Variants in RP1 observed in about 807,000 individuals in gnomAD.
The protein encoded by RP1 is RP1 axonemal microtubule associated, also known as oxygen-regulated protein 1.
In RP1, 16 loss-of-function variants were observed where a neutral mutation model predicts 14.8. The observed-to-expected ratio is 1.08, with a 90% confidence interval of 0.73 to 1.65. The LOEUF (loss-of-function observed/expected upper bound fraction) is 1.65, where lower values mean the gene tolerates loss of function less well. Among genes scored for constraint, RP1 ranks in the 40% most tolerant of loss-of-function variants. The pLI is 0.00. For missense variants in RP1, 2,631 were observed against 2,535.0 expected (o/e 1.04, Z -0.81); for synonymous variants, 876 against 883.6 (o/e 0.99, Z 0.15).
At chr8:54,761,237 T>TA (rs1310788775) in intron 22 of RP1, among the ~76,000 whole-genome samples, 1 of 145,798 alleles carries the variant, frequency 6.9e-6, no homozygotes, top group East Asian at 2.0e-4. Context: ...ACCTTACTTT[T>TA]TTTTTTTTTT....
chr8:54,767,914 A>G (rs1809801140), intron 22 of RP1, among the ~76,000 whole-genome samples: 2 of 152,228 alleles, frequency 1.3e-5, no homozygotes. Flanking sequence ...TAGCTTTGGA[A>G]AAATGGAGAG....
intron 18 of RP1, among the ~76,000 whole-genome samples, chr8:54,737,479 T>C (rs1808961832): frequency 1.3e-5 from 2 of 152,222 alleles, no homozygotes; most frequent in African/African-American, 4.8e-5. Flanking sequence ...ATTTAAAGTG[T>C]GGTTTACCTT....
chr8:54,714,114 C>T (rs778265631), intron 15 of RP1, among the ~76,000 whole-genome samples: 13 of 152,064 alleles, frequency 8.5e-5, no homozygotes, highest in East Asian at 1.9e-4. Context: ...TTAGTAGATA[C>T]GGGGTTTCAC....
At chr8:54,578,216 AT>A (rs1191950594) in intron 1 of RP1, among the ~76,000 whole-genome samples, 1 of 151,676 alleles carries the variant, frequency 6.6e-6, no homozygotes, top group Non-Finnish European at 1.5e-5. Flanking sequence ...TTTAATTTTT[AT>A]TTTTTTAGGG....
chr8:54,564,500 GT>G (rs1804356985), intron 1 of RP1, among the ~76,000 whole-genome samples: 1 of 152,200 alleles, frequency 6.6e-6, no homozygotes, highest in Admixed American at 6.5e-5. Flanking sequence ...AGTGTTCGCT[GT>G]TGACACTGTC....
At chr8:54,847,361 C>T (rs991056238) in intron 25 of RP1, among the ~76,000 whole-genome samples, 9 of 152,116 alleles carry the variant, frequency 5.9e-5, no homozygotes, top group African/African-American at 1.9e-4. Flanking sequence ...ATGTCACTCC[C>T]GGAGGCCCCA....
At chr8:54,630,994 T>C (rs999507168), downstream of RP1, among the ~76,000 whole-genome samples, 1 of 152,204 alleles carries the variant, frequency 6.6e-6, no homozygotes, top group African/African-American at 2.4e-5. Context: ...GGAAAGCTTT[T>C]AAGAGTCCTT....
chr8:54,631,010 G>A (rs572039410), downstream of RP1, among the ~76,000 whole-genome samples: 5 of 152,258 alleles, frequency 3.3e-5, no homozygotes, highest in African/African-American at 1.2e-4. Flanking sequence ...TCCTTCCACT[G>A]CATGACTATA....
At chr8:54,747,729 C>T (rs1809262610) in intron 19 of RP1, among the ~76,000 whole-genome samples, 1 of 152,206 alleles carries the variant, frequency 6.6e-6, no homozygotes, top group African/African-American at 2.4e-5. Flanking sequence ...GGGAAGACCC[C>T]TGTCTCTACA....
chr8:54,843,648 G>A (rs1051691640), intron 25 of RP1, among the ~76,000 whole-genome samples: 4 of 152,146 alleles, frequency 2.6e-5, no homozygotes, highest in African/African-American at 2.4e-5. Context: ...GCACTAAAAC[G>A]GTTCATTAAT....
chr8:54,762,694 T>C (rs931066692), intron 22 of RP1, among the ~76,000 whole-genome samples: 1 of 152,186 alleles, frequency 6.6e-6, no homozygotes, highest in Non-Finnish European at 1.5e-5. Flanking sequence ...TTTGATTGCA[T>C]TGAACAACTG....
intron 14 of RP1, among the ~76,000 whole-genome samples, chr8:54,704,561 A>G (rs975477430): frequency 3.3e-5 from 5 of 152,248 alleles, no homozygotes; most frequent in Non-Finnish European, 7.3e-5. Context: ...CATGAAGTGA[A>G]CACATGCTGT....
At chr8:54,743,082 C>T (rs1809138625) in intron 19 of RP1, among the ~76,000 whole-genome samples, 1 of 152,156 alleles carries the variant, frequency 6.6e-6, no homozygotes, top group South Asian at 2.1e-4. Context: ...AGAGAAGGGA[C>T]TTTTCCTACA....
chr8:54,705,196 CG>C (rs1563353268), intron 14 of RP1, among the ~76,000 whole-genome samples: 1 of 151,578 alleles, frequency 6.6e-6, no homozygotes, highest in African/African-American at 2.4e-5. Flanking sequence ...GATAATTCAC[CG>C]GAAGAACTCA....
intron 19 of RP1, among the ~76,000 whole-genome samples, chr8:54,744,924 G>A (rs955628628): frequency 6.6e-6 from 1 of 152,164 alleles, no homozygotes; most frequent in Non-Finnish European, 1.5e-5. Flanking sequence ...ATAGATTTCA[G>A]TGTGTCAGGG....
chr8:54,726,544 C>T (rs1808659364), intron 17 of RP1: 16 of 1,448,784 alleles, frequency 1.1e-5, no homozygotes, highest in Non-Finnish European at 1.5e-5. Flanking sequence ...GTGGCCATTG[C>T]AGGAAGACTA....
Position 54,755,718 on chromosome 8 carries a change from G to GCCTC in RP1, c.3042_3045dup (p.Arg1016ProfsTer8). 1 of 1,535,346 alleles carries GCCTC rather than the reference G, an allele frequency of 6.5e-7. No individual in the cohort carries two copies. The highest frequency in any genetic ancestry group is 8.7e-7 in the Non-Finnish European group (1 of 1,146,484). On this transcript the variant is annotated frameshift_variant, in exon 21 of 23. Transcript: ENST00000636932. LOFTEE classifies it high-confidence loss of function. ...CTCTTTGGGGAGAGGGGAGACTCTGGCCTCAGACAGCTGTACAAATCTAAC... is the reference window on the plus strand; with the variant it reads ...CTCTTTGGGGAGAGGGGAGACTCTGGCCTCCCTCAGACAGCTGTACAAATCTAAC...
intron 24 of RP1, among the ~76,000 whole-genome samples, chr8:54,815,713 T>C (rs1811120391): frequency 6.6e-6 from 1 of 152,126 alleles, no homozygotes; most frequent in South Asian, 2.1e-4. Context: ...TTGGTGTTTG[T>C]GTGTGTGCAG....
At chr8:54,587,219 A>T (rs1461585976) in intron 1 of RP1, among the ~76,000 whole-genome samples, 1 of 152,200 alleles carries the variant, frequency 6.6e-6, no homozygotes, top group Admixed American at 6.5e-5. Flanking sequence ...TGAGGTGAGG[A>T]GTTTGAGACC....
Sources: gnomAD v4.1 joint callset for allele counts (sites outside exome capture counted in the v4.1 genomes callset) on GRCh38, gnomAD v4.1.1 for gene constraint, MANE v1.5 for transcripts, NCBI Gene and HGNC (gene_info 2026-07-23, HGNC 2026-07-21) for gene names.